The following ISCA1 variants were observed in gnomAD, a reference collection of about 807,000 sequenced individuals.
ISCA1 encodes iron-sulfur cluster assembly 1 homolog, mitochondrial.
Under a neutral mutation model 14.7 loss-of-function variants are expected in ISCA1, and 9 were observed. The ratio of observed to expected loss-of-function variants is 0.61; its 90% confidence interval spans 0.37 to 1.07. The LOEUF (loss-of-function observed/expected upper bound fraction) is 1.07, where lower values mean the gene tolerates loss of function less well. ISCA1 is among the 50% of genes least tolerant of loss of function. The pLI, the probability that ISCA1 is intolerant of heterozygous loss-of-function variation, is 0.01. For missense variants in ISCA1, 102 were observed against 150.1 expected (o/e 0.68, Z 1.67); for synonymous variants, 38 against 54.3 (o/e 0.70, Z 1.32).
chr9:86,266,045 A>C lies in ISCA1; in HGVS notation c.388T>G (p.Ter130GlyextTer34). ...ACGGCCAGAAGAGTCCTGAGATTTC[A>C]AATATTAAAGCTTTCTCCACAGCCA... is the stretch of plus-strand genomic sequence containing the variant. Reference protein sequence around the residue: ...TCGCGESFNI* With the variant: ...TCGCGESFNIG The change falls in exon 4 of 4, where the codon TGA becomes GGA. Residue 130 changes from the stop codon to glycine, a stop_lost. Transcript: ENST00000375991. 4 of 1,611,928 alleles carry C rather than the reference A, an allele frequency of 2.5e-6. No individual in the cohort carries two copies. Among genetic ancestry groups the C allele is most frequent in the Non-Finnish European group, 3.4e-6 (4 of 1,179,796 alleles).
intron 3 of ISCA1, among the ~76,000 whole-genome samples, chr9:86,270,126 A>C (rs896327134): frequency 4.0e-5 from 6 of 148,346 alleles, no homozygotes; most frequent in African/African-American, 1.5e-4. Context: ...TCTGCACAGC[A>C]AAAGAAACTA....
At chr9:86,273,365 CA>C (rs1825397481) in intron 2 of ISCA1, among the ~76,000 whole-genome samples, 1 of 152,122 alleles carries the variant, frequency 6.6e-6, no homozygotes, top group African/African-American at 2.4e-5. Flanking sequence ...TGGACTAAGC[CA>C]TGCTTACAGT....
chr9:86,281,401 T>C (rs1028907000), intron 1 of ISCA1, among the ~76,000 whole-genome samples: 4 of 152,186 alleles, frequency 2.6e-5, no homozygotes, highest in Non-Finnish European at 4.4e-5. Flanking sequence ...TCAATTTAAA[T>C]CGTTTTTTTT....
intron 1 of ISCA1, 120 bp downstream of exon 1, chr9:86,282,258 G>C: frequency 8.9e-7 from 1 of 1,128,930 alleles, no homozygotes; most frequent in Non-Finnish European, 1.2e-6. Context: ...GGGTCGGAGC[G>C]ACGCCGAGGT....
chr9:86,267,858 T>C, intron 3 of ISCA1: 1 of 145,082 alleles, frequency 6.9e-6, no homozygotes, highest in Admixed American at 7.0e-5. Context: ...AAAAAAAGGA[T>C]TATAATGGAG....
At chr9:86,266,573 C>T (rs926194660) in intron 3 of ISCA1, among the ~76,000 whole-genome samples, 2 of 151,972 alleles carry the variant, frequency 1.3e-5, no homozygotes, top group South Asian at 2.1e-4. Context: ...ACTAGATACA[C>T]GGATTCAAGC....
intron 1 of ISCA1, chr9:86,282,091 G>T: frequency 2.2e-6 from 1 of 457,886 alleles, no homozygotes; most frequent in South Asian, 3.1e-5. Flanking sequence ...CGGCCCCCGG[G>T]GACGCCCACC....
intron 1 of ISCA1, among the ~76,000 whole-genome samples, chr9:86,280,378 G>A (rs1825494624): frequency 6.6e-6 from 1 of 151,992 alleles, no homozygotes; most frequent in Admixed American, 6.6e-5. Context: ...GAGGTCAGGA[G>A]TCCAAGACCA....
chr9:86,274,422 C>A (rs1384421290), intron 1 of ISCA1, among the ~76,000 whole-genome samples, 180 bp from the exon 2 acceptor site: 1 of 152,018 alleles, frequency 6.6e-6, no homozygotes, highest in Non-Finnish European at 1.5e-5. Flanking sequence ...AAAATATCCT[C>A]TTTATTTAAA....
intron 1 of ISCA1, 97 bp downstream of exon 1, chr9:86,282,281 C>T (rs1327405614): frequency 1.7e-5 from 22 of 1,328,642 alleles, no homozygotes; most frequent in East Asian, 2.6e-5. Flanking sequence ...GACGTGTCCG[C>T]GTCCCTGCGG....
At chr9:86,282,209 G>A in intron 1 of ISCA1, 169 bp downstream of exon 1, 1 of 682,512 alleles carries the variant, frequency 1.5e-6, no homozygotes, top group Non-Finnish European at 2.4e-6. Context: ...TCGTTGCAAA[G>A]AGGGGCCGGA....
At chr9:86,276,926 C>T (rs1443882549) in intron 1 of ISCA1, among the ~76,000 whole-genome samples, 1 of 125,996 alleles carries the variant, frequency 7.9e-6, no homozygotes. Flanking sequence ...TCCGCGGGAA[C>T]TAAAATCTGA....
Position 86,281,744 on chromosome 9 carries a change from C to CTTT in ISCA1, c.81+633_81+634insAAA, listed in dbSNP as rs2131229636. 2.0e-5 allele frequency among the ~76,000 whole-genome samples: 3 copies of CTTT among 152,348 alleles called. No individual in the cohort carries two copies. The East Asian group carries it at 5.8e-4, about 29-fold the overall frequency. On this transcript the variant is annotated intron_variant, in intron 1 of 3. Coordinates refer to ENST00000375991, the MANE Select transcript of ISCA1 (RefSeq NM_030940.4). ...ACCCAGAAAAGGCTGTAAACTCACT[C>CTTT]TGGGAAATCATCTTTTGTCCTAAGA... is the stretch of plus-strand genomic sequence containing the variant.
At chr9:86,280,909 T>G (rs116397705) in intron 1 of ISCA1, among the ~76,000 whole-genome samples, 2 of 150,320 alleles carry the variant, frequency 1.3e-5, no homozygotes, top group African/African-American at 4.9e-5. Context: ...GCCTGGGAGA[T>G]AGAGTGAGAC....
At chr9:86,266,361 C>T (rs983242622) in intron 3 of ISCA1, among the ~76,000 whole-genome samples, 170 bp from the exon 4 acceptor site, 5 of 152,140 alleles carry the variant, frequency 3.3e-5, no homozygotes, top group Non-Finnish European at 5.9e-5. Context: ...CCTGTCTGCC[C>T]CTTCTTTCCC....
chr9:86,278,509 TA>T (rs879710061), intron 1 of ISCA1, among the ~76,000 whole-genome samples: 210 of 146,080 alleles, frequency 1.4e-3, no homozygotes, highest in African/African-American at 1.8e-3. Context: ...TACAATAAAT[TA>T]AAAAAAAAAA....
intron 1 of ISCA1, among the ~76,000 whole-genome samples, chr9:86,275,771 G>A (rs1825433517): frequency 6.6e-6 from 1 of 152,204 alleles, no homozygotes; most frequent in Non-Finnish European, 1.5e-5. Context: ...AAGGAGGCAT[G>A]CAGTCCTCCA....
At chr9:86,277,595 T>C (rs941425840) in intron 1 of ISCA1, among the ~76,000 whole-genome samples, 3 of 152,212 alleles carry the variant, frequency 2.0e-5, no homozygotes, top group African/African-American at 7.2e-5. Context: ...GTAAAATTCA[T>C]GTGAGAAACA....
chr9:86,267,510 T>G, intron 3 of ISCA1: 1 of 976,746 alleles, frequency 1.0e-6, no homozygotes, highest in South Asian at 4.7e-5. Context: ...CAAGATAAAT[T>G]ATTTATTTTA....
Sources: gnomAD v4.1 joint callset for allele counts (sites outside exome capture counted in the v4.1 genomes callset) on GRCh38, gnomAD v4.1.1 for gene constraint, MANE v1.5 for transcripts, NCBI Gene and HGNC (gene_info 2026-07-23, HGNC 2026-07-21) for gene names.